Variants in BBS9 observed in about 807,000 individuals in gnomAD.
BBS9 encodes protein PTHB1.
BBS9 carries 89 observed loss-of-function variants against 117.7 expected under a neutral mutation model. The observed-to-expected ratio is 0.76, with a 90% CI of 0.64 to 0.90. The LOEUF is 0.90. BBS9 is among the 40% of genes least tolerant of loss of function. The pLI is 0.00. For synonymous variants in BBS9, 379 were observed against 370.9 expected, an observed-to-expected ratio of 1.02 and a Z score of -0.25; for missense variants, 982 against 1,042.2, an observed-to-expected ratio of 0.94 and a Z score of 0.80.
intron 1 of BBS9, among the ~76,000 whole-genome samples, chr7:33,134,421 C>G (rs1790149790): frequency 6.6e-6 from 1 of 151,780 alleles, no homozygotes. Flanking sequence ...GGAAAAATAC[C>G]TATTCAGACC....
At chr7:33,323,711 T>G (rs923774074) in intron 9 of BBS9, among the ~76,000 whole-genome samples, 1 of 152,044 alleles carries the variant, frequency 6.6e-6, no homozygotes, top group Non-Finnish European at 1.5e-5. Context: ...TGTATGTCTT[T>G]TGATTGTACA....
At chr7:33,195,623 T>A (rs114754781) in intron 5 of BBS9, among the ~76,000 whole-genome samples, 2,024 of 152,316 alleles carry the variant, frequency 0.013, 49 homozygotes, top group African/African-American at 0.047. Context: ...TATTCAGAAC[T>A]ATCGAGTATT....
At chr7:33,298,839 A>G (rs1466926790) in intron 9 of BBS9, among the ~76,000 whole-genome samples, 1 of 152,220 alleles carries the variant, frequency 6.6e-6, no homozygotes, top group Non-Finnish European at 1.5e-5. Context: ...TGTAGTCCAC[A>G]TAGAGGCGAG....
chr7:33,527,026 C>T (rs369774390), intron 20 of BBS9, among the ~76,000 whole-genome samples: 2 of 151,320 alleles, frequency 1.3e-5, no homozygotes. Flanking sequence ...GTCAGTGTGC[C>T]CCTGTTGGGG....
intron 11 of BBS9, 78 bp downstream of exon 11, chr7:33,341,051 T>A: frequency 7.9e-7 from 1 of 1,271,434 alleles, no homozygotes; most frequent in Non-Finnish European, 1.1e-6. Context: ...TGCATTGGTT[T>A]AAAGTTTGGT....
intron 1 of BBS9, among the ~76,000 whole-genome samples, chr7:33,132,016 G>A (rs943305155): frequency 2.0e-5 from 3 of 152,218 alleles, no homozygotes; most frequent in Admixed American, 6.5e-5. Context: ...TAAGGCATTA[G>A]AAACTAATCT....
intron 5 of BBS9, among the ~76,000 whole-genome samples, chr7:33,214,739 A>T (rs891044171): frequency 6.6e-6 from 1 of 152,260 alleles, no homozygotes; most frequent in Non-Finnish European, 1.5e-5. Flanking sequence ...ATGCTTATAG[A>T]TGGGGATAAC....
chr7:33,596,561 C>T (rs1366030231), intron 21 of BBS9, among the ~76,000 whole-genome samples: 1 of 152,050 alleles, frequency 6.6e-6, no homozygotes, highest in Non-Finnish European at 1.5e-5. Context: ...CCCACTTTTT[C>T]TCCATAACTT....
chr7:33,159,349 AT>A (rs1270103400), intron 4 of BBS9, among the ~76,000 whole-genome samples: 1 of 152,136 alleles, frequency 6.6e-6, no homozygotes, highest in Non-Finnish European at 1.5e-5. Flanking sequence ...AATTTAGTTT[AT>A]TTTTTGTAAA....
chr7:33,151,961 AG>A (rs1793412280), intron 2 of BBS9, among the ~76,000 whole-genome samples: 2 of 148,860 alleles, frequency 1.3e-5, no homozygotes, highest in Admixed American at 1.4e-4. Context: ...TGGCTCAAGC[AG>A]TCCTTCCACC....
At chr7:33,528,614 C>G (rs556219215) in intron 20 of BBS9, among the ~76,000 whole-genome samples, 1 of 152,330 alleles carries the variant, frequency 6.6e-6, no homozygotes, top group East Asian at 1.9e-4. Context: ...ATTTCATAGT[C>G]TCTTCCACTT....
intron 5 of BBS9, among the ~76,000 whole-genome samples, chr7:33,252,488 C>G (rs1031652174): frequency 1.3e-5 from 2 of 152,050 alleles, no homozygotes; most frequent in Admixed American, 6.6e-5. Flanking sequence ...GCTCTGTGAC[C>G]AGAGTTTCTC....
chr7:33,505,437 C>G, intron 19 of BBS9, 26 bp from the exon 20 acceptor site: 1 of 1,613,090 alleles, frequency 6.2e-7, no homozygotes, highest in Non-Finnish European at 8.5e-7. Context: ...GAAATTATCC[C>G]TAACCGAAGT....
intron 21 of BBS9, among the ~76,000 whole-genome samples, chr7:33,631,819 G>A (rs958877984): frequency 2.6e-5 from 4 of 152,208 alleles, no homozygotes; most frequent in Non-Finnish European, 5.9e-5. Context: ...GGCCAGGCCT[G>A]TTCCCATCCT....
At chr7:33,219,584 C>T (rs1789805270) in intron 5 of BBS9, among the ~76,000 whole-genome samples, 1 of 152,212 alleles carries the variant, frequency 6.6e-6, no homozygotes, top group African/African-American at 2.4e-5. Flanking sequence ...CACCAATTGA[C>T]ACTCTGTGTC....
At chr7:33,206,831 AC>A (rs1787025299) in intron 5 of BBS9, among the ~76,000 whole-genome samples, 1 of 152,110 alleles carries the variant, frequency 6.6e-6, no homozygotes, top group African/African-American at 2.4e-5. Flanking sequence ...CCTAACTATT[AC>A]AGAATCTAGG....
intron 7 of BBS9, among the ~76,000 whole-genome samples, chr7:33,268,756 T>C (rs1799251223): frequency 6.6e-6 from 1 of 152,136 alleles, no homozygotes; most frequent in Non-Finnish European, 1.5e-5. Context: ...ACCTGGTAAA[T>C]TGAAAGTATT....
intron 5 of BBS9, among the ~76,000 whole-genome samples, chr7:33,216,938 CA>C (rs934680682): frequency 3.1e-4 from 47 of 151,500 alleles, no homozygotes; most frequent in Admixed American, 9.2e-4. Context: ...ACTAAAAATA[CA>C]AAAAAAATGA....
At chr7:33,304,407 G>A (rs1196596687) in intron 9 of BBS9, among the ~76,000 whole-genome samples, 1 of 148,110 alleles carries the variant, frequency 6.8e-6, no homozygotes, top group African/African-American at 2.5e-5. Context: ...GAGGTGAGGA[G>A]TGTCTGCCCA....
Sources: gnomAD v4.1 joint callset for allele counts (sites outside exome capture counted in the v4.1 genomes callset) on GRCh38, gnomAD v4.1.1 for gene constraint, MANE v1.5 for transcripts, NCBI Gene and HGNC (gene_info 2026-07-23, HGNC 2026-07-21) for gene names.